MYO5C: variants seen among roughly 807,000 people sequenced by gnomAD.
MYO5C encodes the protein myosin VC.
Under a neutral mutation model 235.7 loss-of-function variants are expected in MYO5C, and 194 were observed. That is an observed-to-expected ratio of 0.82 (90% CI 0.73 to 0.93). MYO5C has a LOEUF of 0.93. MYO5C is among the 40% of genes least tolerant of loss of function. The probability of loss-of-function intolerance (pLI) is 0.00; values close to 1 mark genes in which losing one functional copy is unlikely to be tolerated. For missense variants in MYO5C, 2,038 were observed against 2,127.2 expected (o/e 0.96, Z 0.82); for synonymous variants, 707 against 754.8 (o/e 0.94, Z 1.04).
At chr15:52,218,776 G>T (rs2035611304) in intron 31 of MYO5C, 89 bp from the exon 32 acceptor site, 1 of 1,398,210 alleles carries the variant, frequency 7.2e-7, no homozygotes, top group African/African-American at 1.4e-5. Flanking sequence ...TATTTCCAAA[G>T]ATGGAAGAAC....
chr15:52,291,746 T>TGTTTTTG (rs1413078209), intron 1 of MYO5C, among the ~76,000 whole-genome samples: 2 of 92,860 alleles, frequency 2.2e-5, no homozygotes, highest in Non-Finnish European at 4.9e-5. Flanking sequence ...TTTTTTTTTT[T>TGTTTTTG]TTTTTTTTTT....
chr15:52,240,254 A>G (rs2036182462), intron 20 of MYO5C, among the ~76,000 whole-genome samples: 1 of 151,866 alleles, frequency 6.6e-6, no homozygotes, highest in African/African-American at 2.4e-5. Context: ...TCAAAAAGAT[A>G]CTTGTCATAT....
At position 52,261,063 on chromosome 15, in the gene MYO5C, T is replaced by C; in HGVS notation, c.1112A>G (p.Gln371Arg). The C allele has an allele frequency of 6.2e-7, 1 of 1,614,224 alleles. No individual in the cohort carries two copies. Among genetic ancestry groups the C allele is most frequent in the South Asian group, 1.1e-5 (1 of 91,086 alleles). The change falls in exon 10 of 41, where the codon CAG becomes CGG. Residue 371 changes from glutamine (Q) to arginine (R), a missense_variant. Gln to Arg is a conservative substitution (Grantham distance 43). Coordinates refer to ENST00000261839, the MANE Select transcript of MYO5C (RefSeq NM_018728.4). ...LLGLESGRVA[Q>R]WLCNRKIVTS... Reference sequence around the variant, plus strand: ...GACGATTTTGCGATTGCACAGCCACTGAGCAACTCTGCCACTCTCCAGGCC... The same window carrying C: ...GACGATTTTGCGATTGCACAGCCACCGAGCAACTCTGCCACTCTCCAGGCC...
Position 52,212,656 on chromosome 15 carries a change from G to C in MYO5C, c.4141+532C>G, listed in dbSNP as rs535199115. Among the ~76,000 whole-genome samples the C allele has an allele frequency of 1.6e-3, 239 of 152,314 alleles. 4 individuals are homozygous for C. The South Asian group carries it at 0.03, about 19-fold the overall frequency. Reference sequence around the variant, plus strand: ...ACAGTGAAGACAGTGCAGTAAGATTGGTTCTATGACCACCAACTCTTGAGC... The same window carrying C: ...ACAGTGAAGACAGTGCAGTAAGATTCGTTCTATGACCACCAACTCTTGAGC... On this transcript the variant is annotated intron_variant, in intron 34 of 40. Coordinates refer to ENST00000261839, the MANE Select transcript of MYO5C (RefSeq NM_018728.4).
intron 13 of MYO5C, among the ~76,000 whole-genome samples, chr15:52,249,067 T>C (rs2036415845): frequency 6.6e-6 from 1 of 152,214 alleles, no homozygotes; most frequent in African/African-American, 2.4e-5. Context: ...CTGCGGTATG[T>C]GCAGTTCCTA....
chr15:52,218,690 G>A lies in MYO5C; in HGVS notation c.3786-3C>T, dbSNP rs138599606. On this transcript the variant is annotated splice_polypyrimidine_tract_variant and splice_region_variant and intron_variant, in intron 31 of 40. Transcript: ENST00000261839. ...TTTCATTTTGGGCTTCCAAGGCCCT[G>A]AGAAAGGGAGGGAGGAATGGCTGGT... is the stretch of plus-strand genomic sequence containing the variant. 483 of 1,613,950 alleles carry A rather than the reference G, an allele frequency of 3.0e-4. No homozygotes were observed. The African/African-American group carries it at 5.9e-3, about 20-fold the overall frequency.
rs546967751 is a variant in MYO5C at position 52,253,152 on chromosome 15, G to A, written c.1536+165C>T. ...CAGGCTGAGGGCAAAAGGCCCAGTGGGCCCTCTGGGGTCCCTGCTGTGGAT... is the reference window on the plus strand; with the variant it reads ...CAGGCTGAGGGCAAAAGGCCCAGTGAGCCCTCTGGGGTCCCTGCTGTGGAT... On this transcript the variant is annotated intron_variant, in intron 12 of 40. Transcript: ENST00000261839. Among the ~76,000 whole-genome samples, 9 of 152,300 alleles carry A rather than the reference G, an allele frequency of 5.9e-5. No individual in the cohort carries two copies. The South Asian group carries it at 1.7e-3, about 28-fold the overall frequency.
intron 2 of MYO5C, among the ~76,000 whole-genome samples, chr15:52,280,763 T>C (rs1189929885): frequency 6.6e-6 from 1 of 152,200 alleles, no homozygotes; most frequent in Non-Finnish European, 1.5e-5. Context: ...AGGACATGAC[T>C]ACCCCAACCA....
At chr15:52,278,777 G>A (rs1416579715) in intron 4 of MYO5C, 96 bp downstream of exon 4, 5 of 1,426,382 alleles carry the variant, frequency 3.5e-6, no homozygotes, top group Non-Finnish European at 4.8e-6. Flanking sequence ...CTCTTTTAAT[G>A]AGCCCAACCT....
intron 32 of MYO5C, among the ~76,000 whole-genome samples, chr15:52,216,648 A>G (rs2035560851): frequency 6.6e-6 from 1 of 152,188 alleles, no homozygotes; most frequent in Admixed American, 6.5e-5. Flanking sequence ...AGTCTGGAAA[A>G]AAAAAAGAAA....
Position 52,205,964 on chromosome 15 carries a change from T to C in MYO5C, c.4389A>G (p.Glu1463=). The change falls in exon 37 of 41, where the codon GAA becomes GAG. Residue 1463 remains glutamate, a splice_region_variant and synonymous_variant. Coordinates refer to ENST00000261839, the MANE Select transcript of MYO5C (RefSeq NM_018728.4). ...NCLKQYSGEE[E]FMKHNSPQQN... ...GCTGTGGACTATTATGCTTCATGAA[T>C]TCCTAAAAGTAATTTTAAACATAAA... 1 of 1,521,422 alleles carries C rather than the reference T, an allele frequency of 6.6e-7. No individual in the cohort carries two copies. Among genetic ancestry groups the C allele is most frequent in the Non-Finnish European group, 8.8e-7 (1 of 1,131,874 alleles). 94.2% of individuals were successfully genotyped at this position (1,521,422 alleles called of 1,614,324 possible).
chr15:52,288,879 G>A (rs910900868), intron 1 of MYO5C, among the ~76,000 whole-genome samples: 1 of 152,106 alleles, frequency 6.6e-6, no homozygotes, highest in Non-Finnish European at 1.5e-5. Flanking sequence ...CGGGACCACT[G>A]AACCTTATGA....
chr15:52,253,506 G>A (rs757247049), intron 11 of MYO5C, 49 bp from the exon 12 acceptor site: 12 of 1,543,624 alleles, frequency 7.8e-6, no homozygotes, highest in Middle Eastern at 2.0e-4. Context: ...ATTAAAATAC[G>A]TTTCCAAAGA....
At chr15:52,287,953 G>A (rs995173879) in intron 1 of MYO5C, among the ~76,000 whole-genome samples, 2 of 151,764 alleles carry the variant, frequency 1.3e-5, no homozygotes, top group African/African-American at 4.8e-5. Flanking sequence ...TGCAGCCTGG[G>A]TGACATGCGT....
At chr15:52,261,193 CCAA>C in intron 9 of MYO5C, 66 bp from the exon 10 acceptor site, 1 of 1,567,132 alleles carries the variant, frequency 6.4e-7, no homozygotes, top group Admixed American at 1.8e-5. Flanking sequence ...TCCCACCCGG[CCAA>C]GGCCCCCGTG....
chr15:52,202,934 T>TTC (rs1336126342), intron 38 of MYO5C, among the ~76,000 whole-genome samples: 3 of 151,688 alleles, frequency 2.0e-5, no homozygotes, highest in Non-Finnish European at 4.4e-5. Context: ...TTTTGTTTTT[T>TTC]TTTTGAGACG....
chr15:52,242,442 C>T (rs902596106), intron 19 of MYO5C: 63 of 487,944 alleles, frequency 1.3e-4, no homozygotes, highest in East Asian at 9.9e-4. Context: ...TCAGGCCAGT[C>T]GATTCACCTC....
chr15:52,281,656 C>T (rs1370731527), intron 2 of MYO5C, among the ~76,000 whole-genome samples: 1 of 152,214 alleles, frequency 6.6e-6, no homozygotes, highest in Non-Finnish European at 1.5e-5. Flanking sequence ...CTCCTTTGTA[C>T]ATATGGGGAA....
At chr15:52,199,172 G>A (rs540162382) in intron 38 of MYO5C, among the ~76,000 whole-genome samples, 53 of 152,206 alleles carry the variant, frequency 3.5e-4, no homozygotes, top group Non-Finnish European at 7.1e-4. Context: ...GGATTTACAG[G>A]CGTGAGCCAC....
Sources: allele counts gnomAD v4.1 joint callset (sites outside exome capture counted in the v4.1 genomes callset), GRCh38; gene constraint gnomAD v4.1.1; transcripts MANE v1.5; gene names NCBI Gene and HGNC (gene_info 2026-07-23, HGNC 2026-07-21).